Variants in RBFOX1 observed in about 807,000 individuals in gnomAD.
The protein encoded by RBFOX1 is RNA binding fox-1 homolog 1.
In RBFOX1, 8 loss-of-function variants were observed where a neutral mutation model predicts 57.7. The observed-to-expected ratio is 0.14, with a 90% CI of 0.08 to 0.25. RBFOX1 has a LOEUF of 0.25. RBFOX1 is among the 10% of genes least tolerant of loss of function. RBFOX1 has a pLI of 1.00. For missense variants in RBFOX1, 611 were observed against 548.5 expected, an observed-to-expected ratio of 1.11 and a Z score of -1.14; for synonymous variants, 326 against 222.4, an observed-to-expected ratio of 1.47 and a Z score of -4.15.
At chr16:6,703,719 A>T (rs1326416622) in intron 3 of RBFOX1, among the ~76,000 whole-genome samples, 1 of 152,096 alleles carries the variant, frequency 6.6e-6, no homozygotes, top group Admixed American at 6.5e-5. Flanking sequence ...AAGAAAAAAA[A>T]GAAAAGAAAA....
chr16:5,355,556 A>G (rs543275179), intron 1 of RBFOX1, among the ~76,000 whole-genome samples: 2 of 152,264 alleles, frequency 1.3e-5, no homozygotes, highest in South Asian at 4.1e-4. Flanking sequence ...GAGGTTAATG[A>G]GATTTTATTT....
At chr16:6,203,838 C>G (rs569585093) in intron 1 of RBFOX1, among the ~76,000 whole-genome samples, 1 of 152,138 alleles carries the variant, frequency 6.6e-6, no homozygotes, top group African/African-American at 2.4e-5. Flanking sequence ...ATGCAGCAGT[C>G]TCACTTCTGG....
At chr16:6,242,841 T>A (rs2097547268) in intron 1 of RBFOX1, among the ~76,000 whole-genome samples, 1 of 152,220 alleles carries the variant, frequency 6.6e-6, no homozygotes, top group Non-Finnish European at 1.5e-5. Context: ...CCCTATGCCT[T>A]TAATCACTAC....
At chr16:6,029,381 A>C (rs1476583839) in intron 1 of RBFOX1, among the ~76,000 whole-genome samples, 1 of 152,258 alleles carries the variant, frequency 6.6e-6, no homozygotes, top group African/African-American at 2.4e-5. Context: ...AAGAAAGCCG[A>C]TTAGCCACAA....
At chr16:6,584,177 C>A (rs1345606736) in intron 2 of RBFOX1, among the ~76,000 whole-genome samples, 1 of 151,672 alleles carries the variant, frequency 6.6e-6, no homozygotes. Context: ...GCTGTAATTA[C>A]ATCTATTTTC....
At chr16:5,548,172 AAAATATATATATAT>A (rs1158790747) in intron 2 of RBFOX1, among the ~76,000 whole-genome samples, 5 of 28,282 alleles carry the variant, frequency 1.8e-4, no homozygotes, top group Admixed American at 6.5e-4. Flanking sequence ...AAAAAAAAAA[AAAATATATATATAT>A]ATATATATAT....
intron 2 of RBFOX1, among the ~76,000 whole-genome samples, chr16:6,430,086 C>T (rs1018083134): frequency 2.0e-5 from 3 of 150,716 alleles, no homozygotes; most frequent in African/African-American, 7.3e-5. Context: ...CCAGCCTGGG[C>T]AACAAGAGCG....
rs1467738174 is a variant in RBFOX1 at position 6,612,113 on chromosome 16, A to T, written c.-63-42490A>T. Among the ~76,000 whole-genome samples, 6 of 152,164 alleles carry T rather than the reference A, an allele frequency of 3.9e-5. No individual in the cohort carries two copies. The East Asian group carries it at 1.2e-3, about 29-fold the overall frequency. Reference sequence around the variant, plus strand: ...CCTCCCCTCTTGCATATGGTACATGATGCATCTAGGGATTATCCCTGGTAA... The same window carrying T: ...CCTCCCCTCTTGCATATGGTACATGTTGCATCTAGGGATTATCCCTGGTAA... On this transcript the variant is annotated intron_variant, in intron 2 of 15. Transcript: ENST00000550418.
intron 3 of RBFOX1, among the ~76,000 whole-genome samples, chr16:5,714,611 C>T (rs907941148): frequency 6.6e-6 from 1 of 152,196 alleles, no homozygotes; most frequent in South Asian, 2.1e-4. Flanking sequence ...ATTACTGTGG[C>T]AATAGGTAAC....
At chr16:6,760,794 T>C (rs995120255) in intron 3 of RBFOX1, among the ~76,000 whole-genome samples, 1 of 152,074 alleles carries the variant, frequency 6.6e-6, no homozygotes, top group Non-Finnish European at 1.5e-5. Context: ...TCACACAGAG[T>C]AGGATCAGAG....
chr16:5,672,076 C>A (rs1227853114), intron 3 of RBFOX1, among the ~76,000 whole-genome samples: 1 of 152,110 alleles, frequency 6.6e-6, no homozygotes, highest in Non-Finnish European at 1.5e-5. Flanking sequence ...TTGGACTTGC[C>A]TGGGTTGCTG....
chr16:6,098,186 C>T (rs192465172), intron 1 of RBFOX1, among the ~76,000 whole-genome samples: 1 of 152,328 alleles, frequency 6.6e-6, no homozygotes, highest in Admixed American at 6.5e-5. Context: ...CATTAATCTT[C>T]CCCACCCTGG....
chr16:7,475,097 G>A (rs1288104237), intron 4 of RBFOX1, among the ~76,000 whole-genome samples: 1 of 152,184 alleles, frequency 6.6e-6, no homozygotes, highest in Non-Finnish European at 1.5e-5. Context: ...AAAAGAGACA[G>A]ATGGGTGCCT....
At chr16:7,050,313 T>TG (rs2049583438) in intron 3 of RBFOX1, among the ~76,000 whole-genome samples, 1 of 116,248 alleles carries the variant, frequency 8.6e-6, no homozygotes, top group Non-Finnish European at 2.0e-5. Context: ...TTGCCCAGGA[T>TG]GGAGTATAAT....
At chr16:5,867,289 T>C in intron 3 of RBFOX1, 1 of 1,193,880 alleles carries the variant, frequency 8.4e-7, no homozygotes, top group Non-Finnish European at 1.0e-6. Flanking sequence ...TGTCTTTTTT[T>C]GTTTAACTTG....
At chr16:6,648,297 A>G (rs1456970327) in intron 2 of RBFOX1, among the ~76,000 whole-genome samples, 1 of 149,786 alleles carries the variant, frequency 6.7e-6, no homozygotes, top group African/African-American at 2.5e-5. Context: ...CTGGACTCAA[A>G]CGATCCTCTG....
At chr16:6,871,648 T>G (rs1019515005) in intron 3 of RBFOX1, among the ~76,000 whole-genome samples, 3 of 151,516 alleles carry the variant, frequency 2.0e-5, no homozygotes, top group African/African-American at 7.3e-5. Context: ...TGGAGTGCTG[T>G]CAACACTTCT....
chr16:6,855,359 G>T (rs1048169619), intron 3 of RBFOX1, among the ~76,000 whole-genome samples: 6 of 151,948 alleles, frequency 3.9e-5, no homozygotes, highest in South Asian at 2.1e-4. Flanking sequence ...ACAGAAATAA[G>T]AAGAGATCTT....
intron 1 of RBFOX1, among the ~76,000 whole-genome samples, chr16:6,296,312 A>G (rs1285455177): frequency 1.3e-5 from 2 of 152,198 alleles, no homozygotes; most frequent in African/African-American, 4.8e-5. Context: ...TTATTACTAA[A>G]AAGCTGGGTG....
Sources: allele counts gnomAD v4.1 joint callset (sites outside exome capture counted in the v4.1 genomes callset), GRCh38; gene constraint gnomAD v4.1.1; transcripts MANE v1.5; gene names NCBI Gene and HGNC (gene_info 2026-07-23, HGNC 2026-07-21).